The following CNTNAP5 variants were observed in gnomAD, a reference collection of about 807,000 sequenced individuals.
The protein encoded by CNTNAP5 is contactin-associated protein-like 5.
A neutral mutation model predicts 150.2 loss-of-function variants in CNTNAP5; 72 were observed. That is an observed-to-expected ratio of 0.48 (90% confidence interval 0.40 to 0.58). CNTNAP5 has a LOEUF of 0.58. CNTNAP5 is among the 20% of genes least tolerant of loss of function. The pLI, the probability that CNTNAP5 is intolerant of heterozygous loss-of-function variation, is 0.00. For missense variants in CNTNAP5, 1,636 were observed against 1,626.2 expected, an observed-to-expected ratio of 1.01 and a Z score of -0.10; for synonymous variants, 672 against 619.8, an observed-to-expected ratio of 1.08 and a Z score of -1.25.
chr2:124,279,489 G>C (rs746635352), intron 3 of CNTNAP5, among the ~76,000 whole-genome samples: 1 of 151,772 alleles, frequency 6.6e-6, no homozygotes, highest in Non-Finnish European at 1.5e-5. Flanking sequence ...ATATGTACCA[G>C]ACTCTGTGCT....
intron 3 of CNTNAP5, among the ~76,000 whole-genome samples, chr2:124,319,523 A>G (rs1689049177): frequency 6.6e-6 from 1 of 152,160 alleles, no homozygotes; most frequent in Admixed American, 6.5e-5. Context: ...GACTAATGTT[A>G]TTGATTTTGA....
intron 4 of CNTNAP5, among the ~76,000 whole-genome samples, chr2:124,418,312 A>G (rs1206470276): frequency 1.3e-5 from 2 of 152,318 alleles, no homozygotes; most frequent in East Asian, 1.9e-4. Context: ...GCATAAACAC[A>G]TTTGATCACT....
chr2:124,243,749 G>A (rs1174168246), intron 3 of CNTNAP5, among the ~76,000 whole-genome samples: 2 of 151,928 alleles, frequency 1.3e-5, no homozygotes, highest in African/African-American at 4.8e-5. Context: ...TGTACACTAA[G>A]CCCCAGGGAC....
intron 1 of CNTNAP5, among the ~76,000 whole-genome samples, chr2:124,119,114 T>C (rs1292737371): frequency 6.6e-6 from 1 of 152,142 alleles, no homozygotes; most frequent in Non-Finnish European, 1.5e-5. Flanking sequence ...TGAGGCTGAC[T>C]TTTCCTGCCA....
chr2:124,502,003 G>A (rs1022996529), intron 7 of CNTNAP5, among the ~76,000 whole-genome samples: 2 of 152,178 alleles, frequency 1.3e-5, no homozygotes, highest in African/African-American at 4.8e-5. Flanking sequence ...AGGGAATCGG[G>A]GGAAGGGAGA....
At chr2:124,223,597 A>G (rs897737464) in intron 2 of CNTNAP5, among the ~76,000 whole-genome samples, 4 of 151,800 alleles carry the variant, frequency 2.6e-5, no homozygotes, top group Non-Finnish European at 5.9e-5. Context: ...TCCCACCCAA[A>G]TTGTGCAGCA....
chr2:124,066,164 G>C (rs1363530566), intron 1 of CNTNAP5, among the ~76,000 whole-genome samples: 1 of 151,916 alleles, frequency 6.6e-6, no homozygotes, highest in Non-Finnish European at 1.5e-5. Flanking sequence ...GGGTTAATGG[G>C]TAGGGTGCCA....
At chr2:124,458,020 C>T (rs748942372) in intron 6 of CNTNAP5, among the ~76,000 whole-genome samples, 53 of 114,496 alleles carry the variant, frequency 4.6e-4, no homozygotes, top group Non-Finnish European at 8.5e-4. Context: ...CCTTAAAGAA[C>T]TAAAAGTAGA....
intron 12 of CNTNAP5, among the ~76,000 whole-genome samples, chr2:124,625,006 C>T (rs111915332): frequency 0.012 from 1,876 of 152,252 alleles, 32 homozygotes; most frequent in African/African-American, 0.04. Context: ...AAGGAGCAAA[C>T]GGTAAAGCCA....
At chr2:124,146,586 G>T (rs556218133) in intron 1 of CNTNAP5, among the ~76,000 whole-genome samples, 1 of 152,040 alleles carries the variant, frequency 6.6e-6, no homozygotes, top group Non-Finnish European at 1.5e-5. Flanking sequence ...TATATTATAT[G>T]TGGGGATCTT....
At position 124,216,140 on chromosome 2, in the gene CNTNAP5, A is replaced by G. The variant is rs536914387; in HGVS notation, c.83-5565A>G. 7.9e-5 allele frequency among the ~76,000 whole-genome samples: 12 copies of G among 152,292 alleles called. No homozygotes were observed. The East Asian group carries it at 2.3e-3, about 29-fold the overall frequency. The stretch of plus-strand genomic sequence containing the variant: ...AAGTTACGCAAACAGGACTGGGAGT[A>G]TTTAAACAGCTACTGGATGGAAAGA... On this transcript the variant is annotated intron_variant, in intron 1 of 23. Transcript: ENST00000682447.
intron 1 of CNTNAP5, among the ~76,000 whole-genome samples, chr2:124,054,541 C>T (rs937452738): frequency 3.3e-5 from 5 of 151,768 alleles, no homozygotes; most frequent in African/African-American, 1.2e-4. Flanking sequence ...GAAAGTTGCC[C>T]GAGGCAAGAC....
chr2:124,667,015 A>G (rs1558727182), intron 13 of CNTNAP5, among the ~76,000 whole-genome samples: 1 of 104,036 alleles, frequency 9.6e-6, no homozygotes, highest in Non-Finnish European at 2.3e-5. Context: ...GTGCTTTAAG[A>G]AGAACGATGG....
intron 13 of CNTNAP5, among the ~76,000 whole-genome samples, chr2:124,659,420 C>T (rs563373512): frequency 1.7e-4 from 26 of 152,122 alleles, no homozygotes; most frequent in Non-Finnish European, 1.5e-5. Flanking sequence ...AATGTTTTAG[C>T]CTCTGAATAA....
chr2:124,274,526 G>C (rs1418948240), intron 3 of CNTNAP5, among the ~76,000 whole-genome samples: 1 of 151,996 alleles, frequency 6.6e-6, no homozygotes, highest in East Asian at 1.9e-4. Flanking sequence ...GAATGGAGAA[G>C]GCACTCTCTT....
At chr2:124,125,036 T>C (rs1683653633) in intron 1 of CNTNAP5, among the ~76,000 whole-genome samples, 1 of 152,062 alleles carries the variant, frequency 6.6e-6, no homozygotes. Context: ...TAAATCAAAA[T>C]AACGGGATCA....
At chr2:124,492,159 A>AT in intron 7 of CNTNAP5, among the ~76,000 whole-genome samples, 1 of 151,966 alleles carries the variant, frequency 6.6e-6, no homozygotes, top group East Asian at 1.9e-4. Flanking sequence ...TGTTGCTTGT[A>AT]TTTTTAGTGT....
chr2:124,552,199 A>G (rs1471490684), intron 10 of CNTNAP5, among the ~76,000 whole-genome samples: 1 of 152,104 alleles, frequency 6.6e-6, no homozygotes, highest in East Asian at 1.9e-4. Flanking sequence ...TGATTTCTAG[A>G]GTTTGATGAG....
chr2:124,626,947 A>G (rs891468804), intron 12 of CNTNAP5, among the ~76,000 whole-genome samples: 2 of 152,196 alleles, frequency 1.3e-5, no homozygotes, highest in East Asian at 1.9e-4. Context: ...TGGACTGAGC[A>G]GAATTCACCA....
Sources: allele counts gnomAD v4.1 joint callset (sites outside exome capture counted in the v4.1 genomes callset), GRCh38; gene constraint gnomAD v4.1.1; transcripts MANE v1.5; gene names NCBI Gene and HGNC (gene_info 2026-07-23, HGNC 2026-07-21).